Variants in BAAT observed in about 807,000 individuals in gnomAD.
The protein encoded by BAAT is bile acid CoA: amino acid N-acyltransferase (glycine N-choloyltransferase).
Under a neutral mutation model 18.9 loss-of-function variants are expected in BAAT, and 13 were observed. The observed-to-expected ratio is 0.69, with a 90% CI of 0.45 to 1.10. BAAT has a LOEUF of 1.10. BAAT is among the 50% of genes least tolerant of loss of function. The pLI, the probability that BAAT is intolerant of heterozygous loss-of-function variation, is 0.00. For synonymous variants in BAAT, 170 were observed against 190.7 expected (o/e 0.89, Z 0.89); for missense variants, 489 against 504.0 (o/e 0.97, Z 0.28).
chr9:101,363,938 G>T lies in BAAT; in HGVS notation c.670-923C>A. ...GTGGAAGGATCACTTGAGCCCAGGA[G>T]TTCAAGGCTTTAGTGAGCTATGATT... is the stretch of plus-strand genomic sequence containing the variant. On this transcript the variant is annotated intron_variant, in intron 3 of 3. Coordinates refer to ENST00000259407, the MANE Select transcript of BAAT (RefSeq NM_001701.4). 1.3e-5 allele frequency among the ~76,000 whole-genome samples: 2 copies of T among 152,166 alleles called. 1 individual carries two copies. The highest frequency in any genetic ancestry group is 2.9e-5 in the Non-Finnish European group (2 of 68,026).
rs758946279 is a variant in BAAT at position 101,370,921 on chromosome 9, C to T, written c.466+18G>A. On this transcript the variant is annotated intron_variant, in intron 2 of 3. Transcript: ENST00000259407. ...GTGGAAAAACAAGAATAACAATAAGCAGAGTAATTCTACTCACCTGGAGGG... is the reference window on the plus strand; with the variant it reads ...GTGGAAAAACAAGAATAACAATAAGTAGAGTAATTCTACTCACCTGGAGGG... 19 of 1,609,520 alleles carry T rather than the reference C, an allele frequency of 1.2e-5. No homozygotes were observed. In the Admixed American group the frequency reaches 1.3e-4, roughly 11 times the overall value.
At chr9:101,369,530 C>T (rs892982001) in intron 2 of BAAT, among the ~76,000 whole-genome samples, 1 of 152,078 alleles carries the variant, frequency 6.6e-6, no homozygotes, top group African/African-American at 2.4e-5. Context: ...AGCGGGAGAC[C>T]CAGCACATGC....
chr9:101,369,523 G>A (rs907120473), intron 2 of BAAT, among the ~76,000 whole-genome samples: 10 of 152,034 alleles, frequency 6.6e-5, no homozygotes, highest in Admixed American at 2.0e-4. Context: ...CACTTGAAGC[G>A]GGAGACCCAG....
chr9:101,381,659 T>C (rs775493535), intron 1 of BAAT, among the ~76,000 whole-genome samples: 2 of 152,140 alleles, frequency 1.3e-5, no homozygotes, highest in African/African-American at 4.8e-5. Context: ...AAAGAAAATA[T>C]ATGCAACAGT....
In BAAT at chr9:101,362,996, C is replaced by T. The variant is rs1829765643; in HGVS notation, c.689G>A (p.Gly230Glu). 1 of 1,613,838 alleles carries T rather than the reference C, an allele frequency of 6.2e-7. No homozygotes were observed. The highest frequency in any genetic ancestry group is 8.5e-7 in the Non-Finnish European group (1 of 1,179,954). Residue 230 changes from glycine (G) to glutamate (E), a missense_variant, in exon 4 of 4, where the codon GGG becomes GAG. By Grantham distance (98) the Gly-to-Glu change is moderately conservative. Coordinates refer to ENST00000259407, the MANE Select transcript of BAAT (RefSeq NM_001701.4). The stretch of plus-strand genomic sequence containing the variant: ...TACTCCTTGACATACAGAGACTACC[C>T]CAACGCCTGAGCCAAAGACCTGAAA... The part of the protein sequence containing the change: ...RHPKVFGSGV[G>E]VVSVCQGVQI...
At chr9:101,365,190 A>G (rs1245938041) in intron 3 of BAAT, among the ~76,000 whole-genome samples, 1 of 152,218 alleles carries the variant, frequency 6.6e-6, no homozygotes, top group Non-Finnish European at 1.5e-5. Flanking sequence ...TGGCAAGGAC[A>G]GAGTCCTAGA....
chr9:101,364,737 T>C (rs922490830), intron 3 of BAAT, among the ~76,000 whole-genome samples: 11 of 152,210 alleles, frequency 7.2e-5, no homozygotes, highest in African/African-American at 2.2e-4. Context: ...GAAAGATATA[T>C]TAAGCATCTT....
At chr9:101,381,838 T>C (rs1290799724) in intron 1 of BAAT, among the ~76,000 whole-genome samples, 1 of 152,158 alleles carries the variant, frequency 6.6e-6, no homozygotes, top group Non-Finnish European at 1.5e-5. Flanking sequence ...AGTGATACTA[T>C]AGCTTCCAAG....
At position 101,362,434 on chromosome 9, in the gene BAAT, T is replaced by C; in HGVS notation, c.1251A>G (p.Gln417=). 1 of 1,613,762 alleles carries C rather than the reference T, an allele frequency of 6.2e-7. No individual in the cohort carries two copies. The highest frequency in any genetic ancestry group is 8.5e-7 in the Non-Finnish European group (1 of 1,179,796). ...CTAGGAATATCTAGTCTTCTTAGAG[T>C]TGACTGGTCACATCTGGAATGAGGT... is the stretch of plus-strand genomic sequence containing the variant. The part of the protein sequence containing the change: ...RKHLIPDVTS[Q]L Residue 417 remains glutamine, a synonymous_variant, in exon 4 of 4, where the codon CAA becomes CAG. Transcript: ENST00000259407.
At chr9:101,378,909 A>T (rs2119037656) in intron 1 of BAAT, among the ~76,000 whole-genome samples, 1 of 152,374 alleles carries the variant, frequency 6.6e-6, no homozygotes, top group South Asian at 2.1e-4. Context: ...CTCATCAAAA[A>T]GTGGGTGAAG....
chr9:101,367,108 CAAAAAAAGAAAAA>C (rs1390807958), intron 3 of BAAT, among the ~76,000 whole-genome samples: 12 of 39,330 alleles, frequency 3.1e-4, no homozygotes, highest in African/African-American at 1.2e-3. Context: ...GAGACTCTGT[CAAAAAAAGAAAAA>C]AAAAAAAAAA....
chr9:101,364,553 C>T (rs913936062), intron 3 of BAAT, among the ~76,000 whole-genome samples: 2 of 152,208 alleles, frequency 1.3e-5, no homozygotes, highest in Non-Finnish European at 2.9e-5. Flanking sequence ...GTAGCCAAAA[C>T]ATTCCTAATG....
chr9:101,380,554 CA>C (rs1438879913), intron 1 of BAAT, among the ~76,000 whole-genome samples: 1 of 152,118 alleles, frequency 6.6e-6, no homozygotes, highest in East Asian at 1.9e-4. Flanking sequence ...GCAAGCAACA[CA>C]AGAGAGAAAA....
intron 1 of BAAT, among the ~76,000 whole-genome samples, chr9:101,372,074 T>C (rs1829958237): frequency 6.6e-6 from 1 of 152,162 alleles, no homozygotes; most frequent in South Asian, 2.1e-4. Context: ...AAATACCTCA[T>C]GTTCTCAATT....
At chr9:101,375,674 G>C (rs990703527) in intron 1 of BAAT, 1 of 155,226 alleles carries the variant, frequency 6.4e-6, no homozygotes, top group Non-Finnish European at 1.4e-5. Context: ...CTCCAACCGC[G>C]GGCGAACTGG....
At chr9:101,370,593 A>G (rs1389362666) in intron 2 of BAAT, among the ~76,000 whole-genome samples, 1 of 151,996 alleles carries the variant, frequency 6.6e-6, no homozygotes, top group Non-Finnish European at 1.5e-5. Flanking sequence ...ATTTAGCATA[A>G]ATCCAAAGCT....
chr9:101,381,552 C>A (rs1830132753), intron 1 of BAAT, among the ~76,000 whole-genome samples: 1 of 151,876 alleles, frequency 6.6e-6, no homozygotes, highest in African/African-American at 2.4e-5. Flanking sequence ...TAAATACATA[C>A]ATAAAAATAA....
At chr9:101,382,870 T>C (rs189116998) in intron 1 of BAAT, among the ~76,000 whole-genome samples, 19 of 152,328 alleles carry the variant, frequency 1.2e-4, no homozygotes, top group Admixed American at 1.2e-3. Context: ...CTCAAACTTA[T>C]ACTTGCTTTT....
intron 1 of BAAT, among the ~76,000 whole-genome samples, chr9:101,382,608 T>A (rs993246384): frequency 6.6e-6 from 1 of 152,200 alleles, no homozygotes; most frequent in Non-Finnish European, 1.5e-5. Flanking sequence ...TAAAGCTTTT[T>A]AATAAACTTC....
Sources: gnomAD v4.1 joint callset for allele counts (sites outside exome capture counted in the v4.1 genomes callset) on GRCh38, gnomAD v4.1.1 for gene constraint, MANE v1.5 for transcripts, NCBI Gene and HGNC (gene_info 2026-07-23, HGNC 2026-07-21) for gene names.